STK40: variants seen among roughly 807,000 people sequenced by gnomAD.
STK40 encodes serine/threonine kinase 40.
In STK40, 13 loss-of-function variants were observed where a neutral mutation model predicts 47.9. That is an observed-to-expected ratio of 0.27 (90% CI 0.18 to 0.43). STK40 has a LOEUF of 0.43. Ranked by LOEUF, STK40 falls within the 20% of genes least tolerant of loss-of-function variation. The pLI is 1.00. For missense variants in STK40, 460 were observed against 595.1 expected (o/e 0.77, Z 2.36); for synonymous variants, 225 against 243.2 (o/e 0.93, Z 0.69).
intron 6 of STK40, among the ~76,000 whole-genome samples, chr1:36,351,344 C>T (rs1046682447): frequency 6.6e-6 from 1 of 152,172 alleles, no homozygotes; most frequent in Non-Finnish European, 1.5e-5. Context: ...CCAGCTGGTC[C>T]GCCTACTGCT....
chr1:36,341,761 C>T lies in STK40; in HGVS notation c.1302G>A (p.Arg434=), dbSNP rs1339030842. The T allele has an allele frequency of 8.1e-6, 13 of 1,610,688 alleles. No individual in the cohort carries two copies. The highest frequency in any genetic ancestry group is 2.2e-5 in the East Asian group (1 of 44,790). The change falls in exon 11 of 11, where the codon CGG becomes CGA. Residue 434 remains arginine (R), a synonymous_variant. Transcript: ENST00000373132. ...DTAILAQRYL[R]K is the part of the protein sequence containing the mutation. ...GTGGCCCCGGCTGAGGCTGTTATTT[C>T]CGCAGGTAGCGCTGCGCCAGGATGG...
At chr1:36,342,191 G>A (rs979126186) in intron 10 of STK40, 3 of 578,810 alleles carry the variant, frequency 5.2e-6, no homozygotes, top group Non-Finnish European at 9.3e-6. Flanking sequence ...GCCGCCCTGC[G>A]GACCCGGGAC....
intron 5 of STK40, 96 bp from the exon 6 acceptor site, chr1:36,354,512 G>T: frequency 7.6e-7 from 1 of 1,321,266 alleles, no homozygotes; most frequent in Non-Finnish European, 1.1e-6. Context: ...GTTCGAGAAG[G>T]CAGGAAAAAT....
Position 36,343,358 on chromosome 1 carries a change from A to G in STK40, c.1089+6T>C, listed in dbSNP as rs573672559. 1 of 1,611,026 alleles carries G rather than the reference A, an allele frequency of 6.2e-7. No homozygotes were observed. The highest frequency in any genetic ancestry group is 8.5e-7 in the Non-Finnish European group (1 of 1,178,458). ...GGTAATGGCCCATCTGCCCTCCCCA[A>G]CTCACCTCCTGGGAGCTATCCGCAT... On this transcript the variant is annotated splice_donor_region_variant and intron_variant, in intron 10 of 10. Transcript: ENST00000373132.
intron 1 of STK40, among the ~76,000 whole-genome samples, chr1:36,377,955 G>A (rs1458519736): frequency 1.3e-5 from 2 of 152,340 alleles, no homozygotes; most frequent in Admixed American, 1.3e-4. Flanking sequence ...TACCTTAAGG[G>A]CAAGAATTGT....
chr1:36,343,319 G>T, intron 10 of STK40, 45 bp downstream of exon 10: 1 of 1,588,380 alleles, frequency 6.3e-7, no homozygotes. Context: ...CCAGAAGCCT[G>T]TCCCTTGGGG....
At position 36,344,222 on chromosome 1, in the gene STK40, C is replaced by T; in HGVS notation, c.782G>A (p.Gly261Asp). The T allele has an allele frequency of 6.2e-7, 1 of 1,612,834 alleles. No homozygotes were observed. Among genetic ancestry groups the T allele is most frequent in the Non-Finnish European group, 8.5e-7 (1 of 1,179,524 alleles). ...ATACAGCATGGTGAAGAGCACCACGCCCAGGGCCCACATGTCACTGGGCTT... is the reference window on the plus strand; with the variant it reads ...ATACAGCATGGTGAAGAGCACCACGTCCAGGGCCCACATGTCACTGGGCTT... ...RGKPSDMWAL[G>D]VVLFTMLYGQ... is the part of the protein sequence containing the mutation. The change falls in exon 8 of 11, where the codon GGC (glycine) becomes GAC (aspartate). Residue 261 changes from glycine (G) to aspartate (D), a missense_variant. Gly to Asp is a moderately conservative substitution (Grantham distance 94, BLOSUM62 -1). Coordinates refer to ENST00000373132, the MANE Select transcript of STK40 (RefSeq NM_001282547.2).
At chr1:36,385,307 C>T (rs1647075776) in intron 1 of STK40, among the ~76,000 whole-genome samples, 1 of 151,906 alleles carries the variant, frequency 6.6e-6, no homozygotes, top group Non-Finnish European at 1.5e-5. Context: ...TTGGAGGAAG[C>T]CCTGGCTGGC....
intron 4 of STK40, among the ~76,000 whole-genome samples, chr1:36,356,164 C>T (rs1259493489): frequency 6.6e-6 from 1 of 152,160 alleles, no homozygotes; most frequent in African/African-American, 2.4e-5. Context: ...TAAGACAATC[C>T]ATGTCCTGTG....
intron 2 of STK40, among the ~76,000 whole-genome samples, chr1:36,359,536 C>T (rs1343538257): frequency 6.6e-6 from 1 of 152,254 alleles, no homozygotes; most frequent in Admixed American, 6.5e-5. Context: ...TGTCCAAGTG[C>T]CAGCTTTGGG....
chr1:36,357,128 A>T (rs1646812482), intron 4 of STK40, among the ~76,000 whole-genome samples: 1 of 152,232 alleles, frequency 6.6e-6, no homozygotes, highest in Non-Finnish European at 1.5e-5. Flanking sequence ...GCAGCAGCTC[A>T]GTGCTTGACA....
intron 3 of STK40, 37 bp downstream of exon 3, chr1:36,358,698 CCT>C: frequency 3.1e-6 from 5 of 1,607,274 alleles, no homozygotes; most frequent in Non-Finnish European, 4.3e-6. Context: ...CATGACAGGC[CCT>C]GTTCCTGAGG....
Position 36,341,564 on chromosome 1 carries a change from AG to A in STK40, c.*190del. On this transcript the variant is annotated 3_prime_UTR_variant, in exon 11 of 11. Coordinates refer to ENST00000373132, the MANE Select transcript of STK40 (RefSeq NM_001282547.2). ...CTCAGATTTAAAAACCAAACAATCG[AG>A]CAATCATCCCAAAAGGTAGCTTCGT... The A allele has an allele frequency of 1.6e-6, 1 of 621,126 alleles. No individual in the cohort carries two copies. The highest frequency in any genetic ancestry group is 2.8e-6 in the Non-Finnish European group (1 of 356,646). 38.5% of individuals were successfully genotyped at this position (621,126 alleles called of 1,614,324 possible).
intron 1 of STK40, among the ~76,000 whole-genome samples, chr1:36,362,200 C>T (rs146038805): frequency 6.8e-4 from 103 of 152,232 alleles, no homozygotes; most frequent in Non-Finnish European, 1.3e-3. Flanking sequence ...TTAAAAATAA[C>T]AGATAAAAAC....
intron 1 of STK40, chr1:36,367,950 G>A: frequency 5.3e-6 from 5 of 951,834 alleles, no homozygotes; most frequent in Non-Finnish European, 6.3e-6. Flanking sequence ...GTGGGTGGTG[G>A]GGAGGAGTCT....
At chr1:36,375,171 G>A (rs1300130236) in intron 1 of STK40, among the ~76,000 whole-genome samples, 1 of 152,162 alleles carries the variant, frequency 6.6e-6, no homozygotes, top group Non-Finnish European at 1.5e-5. Context: ...AGGATTGCCA[G>A]GGCCCAGTAC....
intron 6 of STK40, among the ~76,000 whole-genome samples, chr1:36,352,523 G>A (rs1646768437): frequency 6.6e-6 from 1 of 152,130 alleles, no homozygotes; most frequent in Non-Finnish European, 1.5e-5. Flanking sequence ...AGTGGCACTG[G>A]GAAGTGAGCC....
intron 1 of STK40, among the ~76,000 whole-genome samples, chr1:36,367,121 T>C (rs1371477122): frequency 6.6e-6 from 1 of 151,994 alleles, no homozygotes; most frequent in African/African-American, 2.4e-5. Flanking sequence ...GTGCTGGGAT[T>C]ACAGACATGA....
In STK40 at chr1:36,344,103, C is replaced by A. The variant is rs191111847; in HGVS notation, c.884+17G>T. 3 of 1,583,706 alleles carry A rather than the reference C, an allele frequency of 1.9e-6. No homozygotes were observed. Among genetic ancestry groups the A allele is most frequent in the East Asian group, 2.2e-5 (1 of 44,496 alleles). On this transcript the variant is annotated intron_variant, in intron 8 of 10. Coordinates refer to ENST00000373132, the MANE Select transcript of STK40 (RefSeq NM_001282547.2). ...CAGGCTGGCTGCCCCCCCCACCCCC[C>A]GGGAGGCAGGACTCACTCAGGAATG...
Sources: allele counts gnomAD v4.1 joint callset (sites outside exome capture counted in the v4.1 genomes callset), GRCh38; gene constraint gnomAD v4.1.1; transcripts MANE v1.5; gene names NCBI Gene and HGNC (gene_info 2026-07-23, HGNC 2026-07-21).